CSGALNACT1: variants seen among roughly 807,000 people sequenced by gnomAD.
CSGALNACT1 encodes the protein chondroitin sulfate N-acetylgalactosaminyltransferase 1, also known as beta4GalNAcT-1.
A neutral mutation model predicts 51.0 loss-of-function variants in CSGALNACT1; 52 were observed. The ratio of observed to expected loss-of-function variants is 1.02; its 90% CI spans 0.82 to 1.29. The LOEUF is 1.29. CSGALNACT1 is among the 50% of genes most tolerant of loss of function. The pLI is 0.00. For missense variants in CSGALNACT1, 935 were observed against 679.2 expected (o/e 1.38, Z -4.19); for synonymous variants, 341 against 254.4 (o/e 1.34, Z -3.24).
intron 3 of CSGALNACT1, among the ~76,000 whole-genome samples, chr8:19,539,790 G>A (rs888689051): frequency 6.6e-6 from 1 of 152,138 alleles, no homozygotes. Flanking sequence ...CCCTTCCAGA[G>A]GCGATGCCCC....
chr8:19,575,673 A>G (rs1228550099), intron 3 of CSGALNACT1, among the ~76,000 whole-genome samples: 1 of 152,254 alleles, frequency 6.6e-6, no homozygotes, highest in Non-Finnish European at 1.5e-5. Context: ...TAGTAATAGT[A>G]TAATGGCTTA....
At chr8:19,487,563 T>C (rs910856010) in intron 4 of CSGALNACT1, among the ~76,000 whole-genome samples, 1 of 152,166 alleles carries the variant, frequency 6.6e-6, no homozygotes, top group African/African-American at 2.4e-5. Flanking sequence ...ATGGATAAGA[T>C]TCTGGAGAAG....
intron 2 of CSGALNACT1, among the ~76,000 whole-genome samples, chr8:19,594,235 G>T (rs1346939425): frequency 1.3e-5 from 2 of 152,234 alleles, no homozygotes; most frequent in East Asian, 1.9e-4. Flanking sequence ...TGAAGAAACA[G>T]CTAGAGGTGT....
intron 1 of CSGALNACT1, among the ~76,000 whole-genome samples, chr8:19,644,483 G>C (rs968022512): frequency 2.0e-5 from 3 of 151,010 alleles, no homozygotes; most frequent in African/African-American, 7.3e-5. Context: ...GCTGAGGTGG[G>C]TGAATCACCT....
intron 2 of CSGALNACT1, among the ~76,000 whole-genome samples, chr8:19,592,250 C>T (rs901543171): frequency 2.6e-4 from 39 of 152,094 alleles, no homozygotes; most frequent in African/African-American, 9.4e-4. Flanking sequence ...GTACATTAGG[C>T]AAATTCAAAT....
intron 1 of CSGALNACT1, among the ~76,000 whole-genome samples, chr8:19,716,758 C>T (rs898344125): frequency 3.3e-5 from 5 of 151,812 alleles, no homozygotes; most frequent in African/African-American, 1.2e-4. Flanking sequence ...TACCACCGCA[C>T]TCCAACCTGG....
chr8:19,685,478 C>T (rs145739617), upstream of CSGALNACT1, among the ~76,000 whole-genome samples: 2 of 152,108 alleles, frequency 1.3e-5, no homozygotes, highest in African/African-American at 4.8e-5. Flanking sequence ...AGAGGAAGAC[C>T]CTGCCCCAAA....
At chr8:19,415,508 C>T (rs2153685470) in intron 8 of CSGALNACT1, among the ~76,000 whole-genome samples, 1 of 152,292 alleles carries the variant, frequency 6.6e-6, no homozygotes, top group East Asian at 1.9e-4. Flanking sequence ...CAACAATGGA[C>T]ACAGGGAATC....
rs556343842 is a variant in CSGALNACT1 at position 19,634,700 on chromosome 8, T to A, written c.-543-32835A>T. Among the ~76,000 whole-genome samples the A allele has an allele frequency of 2.6e-5, 4 of 152,218 alleles. No homozygotes were observed. The East Asian group carries it at 7.7e-4, about 29-fold the overall frequency. On this transcript the variant is annotated intron_variant, in intron 1 of 9. Transcript: ENST00000332246. ...AAAAGATGAGACAACAGAGCTTGCT[T>A]TCTCTTTCAGCCATATGGAGACACA... is the stretch of plus-strand genomic sequence containing the variant.
At chr8:19,698,068 C>G (rs551170130) in intron 1 of CSGALNACT1, among the ~76,000 whole-genome samples, 2 of 151,946 alleles carry the variant, frequency 1.3e-5, no homozygotes, top group Non-Finnish European at 2.9e-5. Flanking sequence ...AGCTCCACTG[C>G]GGGGGCTGAA....
chr8:19,567,861 G>C (rs910204475), intron 3 of CSGALNACT1, among the ~76,000 whole-genome samples: 3 of 151,992 alleles, frequency 2.0e-5, no homozygotes, highest in African/African-American at 7.2e-5. Flanking sequence ...CAAAGAGTTA[G>C]AAAATGAAAT....
chr8:19,452,377 A>G (rs1303342010), intron 5 of CSGALNACT1, among the ~76,000 whole-genome samples: 1 of 151,778 alleles, frequency 6.6e-6, no homozygotes, highest in Admixed American at 6.6e-5. Context: ...TGGAGAGGGA[A>G]GGTAATTCCA....
At chr8:19,591,941 G>C (rs768311862) in intron 2 of CSGALNACT1, among the ~76,000 whole-genome samples, 7 of 152,024 alleles carry the variant, frequency 4.6e-5, no homozygotes, top group Non-Finnish European at 1.0e-4. Context: ...CTGTCAATGA[G>C]GAATAGATGT....
In CSGALNACT1 at chr8:19,485,529, C is replaced by T. The variant is rs553931346; in HGVS notation, c.634+19672G>A. 3.6e-4 allele frequency among the ~76,000 whole-genome samples: 55 copies of T among 152,206 alleles called. 1 individual carries two copies. In the Middle Eastern group the frequency reaches 0.01, roughly 28 times the overall value. Reference sequence around the variant, plus strand: ...CCCTGTTGATGTTAACAGCTCCTAACAGCTATTAGGCTTTCTTCCCTAAGG... The same window carrying T: ...CCCTGTTGATGTTAACAGCTCCTAATAGCTATTAGGCTTTCTTCCCTAAGG... On this transcript the variant is annotated intron_variant, in intron 4 of 9. Transcript: ENST00000454498.
chr8:19,451,130 C>A (rs937923502), intron 5 of CSGALNACT1, among the ~76,000 whole-genome samples: 1 of 152,102 alleles, frequency 6.6e-6, no homozygotes, highest in African/African-American at 2.4e-5. Context: ...TGGTTCAATG[C>A]TTCTTAAATG....
chr8:19,463,480 A>T (rs182540721), intron 4 of CSGALNACT1, among the ~76,000 whole-genome samples: 12 of 152,256 alleles, frequency 7.9e-5, no homozygotes, highest in Admixed American at 2.6e-4. Flanking sequence ...TGGTGGAAAC[A>T]CAAAGGAACA....
rs969467333 is a variant in CSGALNACT1 at position 19,705,887 on chromosome 8, C to T, written c.-297+51963G>A. Among the ~76,000 whole-genome samples the T allele has an allele frequency of 6.6e-5, 10 of 152,084 alleles. No homozygotes were observed. The South Asian group carries it at 8.3e-4, about 13-fold the overall frequency. Reference sequence around the variant, plus strand: ...TTGATGCTAGTTAAAGCTGAATAATCGAATGACAGGGCACGACTAATTTTC... The same window carrying T: ...TTGATGCTAGTTAAAGCTGAATAATTGAATGACAGGGCACGACTAATTTTC... On this transcript the variant is annotated intron_variant, in intron 1 of 1. Transcript: ENST00000517494.
intron 3 of CSGALNACT1, among the ~76,000 whole-genome samples, chr8:19,511,880 C>T (rs1243681880): frequency 6.6e-6 from 1 of 152,172 alleles, no homozygotes; most frequent in African/African-American, 2.4e-5. Context: ...CACATGGCAG[C>T]AGAAGAGACA....
At chr8:19,728,169 A>C (rs1382654447) in intron 1 of CSGALNACT1, among the ~76,000 whole-genome samples, 1 of 152,066 alleles carries the variant, frequency 6.6e-6, no homozygotes, top group South Asian at 2.1e-4. Context: ...TCATCTGTAA[A>C]ATCTCGTAGG....
Sources: gnomAD v4.1 joint callset for allele counts (sites outside exome capture counted in the v4.1 genomes callset) on GRCh38, gnomAD v4.1.1 for gene constraint, MANE v1.5 for transcripts, NCBI Gene and HGNC (gene_info 2026-07-23, HGNC 2026-07-21) for gene names.